The following NRXN3 variants were observed in gnomAD, a reference collection of about 807,000 sequenced individuals.
The protein encoded by NRXN3 is neurexin 3, also known as neurexin III.
NRXN3 carries 32 observed loss-of-function variants against 137.6 expected under a neutral mutation model. That is an observed-to-expected ratio of 0.23 (90% CI 0.18 to 0.31). NRXN3 has a LOEUF of 0.31. Ranked by LOEUF, NRXN3 falls within the 10% of genes least tolerant of loss-of-function variation. The pLI is 1.00. For missense variants in NRXN3, 1,574 were observed against 2,062.5 expected, an observed-to-expected ratio of 0.76 and a Z score of 4.59; for synonymous variants, 798 against 784.5, an observed-to-expected ratio of 1.02 and a Z score of -0.29.
intron 4 of NRXN3, among the ~76,000 whole-genome samples, chr14:78,533,724 T>C (rs1173693980): frequency 2.6e-5 from 4 of 152,198 alleles, no homozygotes; most frequent in South Asian, 2.1e-4. Context: ...CGATATCATC[T>C]CTCCAGGAAG....
In NRXN3 at chr14:78,427,659, C is replaced by G. The variant is rs903419047; in HGVS notation, c.757+129799C>G. 2.6e-5 allele frequency among the ~76,000 whole-genome samples: 4 copies of G among 152,126 alleles called. No individual in the cohort carries two copies. In the East Asian group the frequency reaches 7.7e-4, roughly 29 times the overall value. ...ATAACTCATTGCTGATGTCACAGAG[C>G]AGAAGATGGACATGGAGGCTGCATA... is the stretch of plus-strand genomic sequence containing the variant. On this transcript the variant is annotated intron_variant, in intron 4 of 20. Coordinates refer to ENST00000335750, the MANE Select transcript of NRXN3 (RefSeq NM_001330195.2).
chr14:79,699,626 A>T (rs1419872596), intron 19 of NRXN3, among the ~76,000 whole-genome samples: 1 of 152,024 alleles, frequency 6.6e-6, no homozygotes, highest in Non-Finnish European at 1.5e-5. Context: ...GCAAATTAAG[A>T]AAGTCAGAAC....
intron 4 of NRXN3, among the ~76,000 whole-genome samples, chr14:78,600,464 T>C (rs2097193504): frequency 6.6e-6 from 1 of 152,046 alleles, no homozygotes; most frequent in African/African-American, 2.4e-5. Context: ...ATTTGAGGAG[T>C]CATAAAACCA....
At chr14:78,843,108 G>A (rs2099017155) in intron 10 of NRXN3, among the ~76,000 whole-genome samples, 1 of 152,126 alleles carries the variant, frequency 6.6e-6, no homozygotes, top group Admixed American at 6.6e-5. Context: ...GGTATTGATT[G>A]GGGAAGTGAT....
intron 15 of NRXN3, among the ~76,000 whole-genome samples, chr14:79,319,822 C>G (rs576970950): frequency 2.4e-4 from 36 of 152,252 alleles, no homozygotes; most frequent in South Asian, 2.3e-3. Context: ...GTTGCATTCT[C>G]TCTTGACCAG....
chr14:79,209,619 A>T (rs886485511), intron 15 of NRXN3, among the ~76,000 whole-genome samples: 2 of 152,246 alleles, frequency 1.3e-5, no homozygotes, highest in South Asian at 4.1e-4. Context: ...TCTTGTTTTC[A>T]TAGCACTTAC....
intron 20 of NRXN3, among the ~76,000 whole-genome samples, chr14:79,806,962 ATTTTTTTTTTTTTTTT>A (rs35028709): frequency 3.8e-5 from 1 of 26,356 alleles, no homozygotes; most frequent in Non-Finnish European, 6.4e-5. Flanking sequence ...ATATATATAT[ATTTTTTTTTTTTTTTT>A]TTTTTTTTTT....
intron 6 of NRXN3, among the ~76,000 whole-genome samples, chr14:78,653,903 A>G (rs188440834): frequency 1.3e-5 from 2 of 152,326 alleles, no homozygotes; most frequent in African/African-American, 4.8e-5. Flanking sequence ...CAGCACAAAT[A>G]TGCATTTAAA....
At chr14:79,710,388 A>G (rs1188623702) in intron 19 of NRXN3, among the ~76,000 whole-genome samples, 2 of 152,210 alleles carry the variant, frequency 1.3e-5, no homozygotes, top group African/African-American at 4.8e-5. Context: ...GTGTTGTATA[A>G]ACCACAGTGT....
intron 2 of NRXN3, among the ~76,000 whole-genome samples, chr14:78,269,669 CTG>C (rs1480810325): frequency 6.6e-6 from 1 of 152,176 alleles, no homozygotes; most frequent in Non-Finnish European, 1.5e-5. Flanking sequence ...TGACTCCAAA[CTG>C]AGGTTTCTTT....
At chr14:78,337,164 G>A (rs1405721287) in intron 4 of NRXN3, among the ~76,000 whole-genome samples, 3 of 152,112 alleles carry the variant, frequency 2.0e-5, no homozygotes, top group Non-Finnish European at 4.4e-5. Context: ...ACTGGGGGAG[G>A]CAGCAGGCAT....
At chr14:78,885,085 G>C (rs2099139657) in intron 10 of NRXN3, among the ~76,000 whole-genome samples, 1 of 150,584 alleles carries the variant, frequency 6.6e-6, no homozygotes, top group African/African-American at 2.4e-5. Flanking sequence ...ATATAATGCA[G>C]TGAGTTTACA....
At chr14:78,199,965 A>G (rs1427211281) in intron 1 of NRXN3, among the ~76,000 whole-genome samples, 1 of 152,224 alleles carries the variant, frequency 6.6e-6, no homozygotes, top group African/African-American at 2.4e-5. Flanking sequence ...GAAATGAAGC[A>G]TAGCCCTGGA....
chr14:78,906,657 G>A (rs1385491679), intron 10 of NRXN3, among the ~76,000 whole-genome samples: 2 of 151,970 alleles, frequency 1.3e-5, no homozygotes, highest in Admixed American at 1.3e-4. Context: ...GGCAAGCAAG[G>A]CCATTGCAAT....
chr14:79,143,022 TG>T (rs1368531507), intron 15 of NRXN3, among the ~76,000 whole-genome samples: 1 of 152,214 alleles, frequency 6.6e-6, no homozygotes, highest in Non-Finnish European at 1.5e-5. Flanking sequence ...TTTGCCATCT[TG>T]TTTTACAATA....
intron 20 of NRXN3, among the ~76,000 whole-genome samples, chr14:79,857,807 A>T (rs1231571554): frequency 6.6e-6 from 1 of 152,108 alleles, no homozygotes; most frequent in East Asian, 1.9e-4. Flanking sequence ...CAATCTTCCC[A>T]CTTCTTGAGA....
chr14:79,069,035 T>C (rs1011228804), intron 15 of NRXN3, among the ~76,000 whole-genome samples: 1 of 152,104 alleles, frequency 6.6e-6, no homozygotes, highest in Non-Finnish European at 1.5e-5. Context: ...TTTGAAATGA[T>C]ATGGTTCCCA....
At chr14:78,783,781 A>C (rs2098778683) in intron 8 of NRXN3, among the ~76,000 whole-genome samples, 1 of 152,198 alleles carries the variant, frequency 6.6e-6, no homozygotes. Flanking sequence ...ACACACAAAA[A>C]ACAGTCCTGT....
rs368548818 is a variant in NRXN3 at position 78,738,276 on chromosome 14, C to A, written c.2044+23137C>A. 1.1e-4 allele frequency among the ~76,000 whole-genome samples: 16 copies of A among 152,306 alleles called. 1 individual carries two copies. The South Asian group carries it at 2.9e-3, about 28-fold the overall frequency. On this transcript the variant is annotated intron_variant, in intron 8 of 20. Coordinates refer to ENST00000335750, the MANE Select transcript of NRXN3 (RefSeq NM_001330195.2). ...GGAGCTAAGGCAGGTATCATCCTTC[C>A]CCTTAAGGAGCCAGCAGTTTAGTGG...
Sources: gnomAD v4.1 joint callset for allele counts (sites outside exome capture counted in the v4.1 genomes callset) on GRCh38, gnomAD v4.1.1 for gene constraint, MANE v1.5 for transcripts, NCBI Gene and HGNC (gene_info 2026-07-23, HGNC 2026-07-21) for gene names.